CACNA2D1: variants seen among roughly 807,000 people sequenced by gnomAD.
CACNA2D1 encodes the protein voltage-dependent calcium channel subunit alpha-2/delta-1.
A neutral mutation model predicts 171.5 loss-of-function variants in CACNA2D1; 53 were observed. The ratio of observed to expected loss-of-function variants is 0.31; its 90% CI spans 0.25 to 0.39. The LOEUF is 0.39. CACNA2D1 is among the 10% of genes least tolerant of loss of function. The pLI is 1.00. For missense variants in CACNA2D1, 903 were observed against 1,299.8 expected (o/e 0.69, Z 4.69); for synonymous variants, 442 against 443.1 (o/e 1.00, Z 0.03).
At chr7:81,997,439 T>A (rs924842563) in intron 18 of CACNA2D1, among the ~76,000 whole-genome samples, 189 bp from the exon 19 acceptor site, 2 of 150,782 alleles carry the variant, frequency 1.3e-5, no homozygotes, top group African/African-American at 4.9e-5. Context: ...GAGATTGAGC[T>A]TTAAGTGCAG....
At chr7:82,303,105 C>T (rs183082475) in intron 3 of CACNA2D1, among the ~76,000 whole-genome samples, 146 of 152,016 alleles carry the variant, frequency 9.6e-4, no homozygotes, top group Middle Eastern at 3.5e-3. Context: ...GCCATTCTCC[C>T]GCCTCAGCCT....
intron 4 of CACNA2D1, among the ~76,000 whole-genome samples, chr7:82,155,114 T>C (rs1265682576): frequency 6.6e-6 from 1 of 152,144 alleles, no homozygotes; most frequent in African/African-American, 2.4e-5. Context: ...CCCCCTTGCC[T>C]TCTGCCGTGA....
At chr7:82,342,311 G>C (rs1042511216) in intron 2 of CACNA2D1, among the ~76,000 whole-genome samples, 5 of 152,108 alleles carry the variant, frequency 3.3e-5, no homozygotes, top group Non-Finnish European at 7.4e-5. Flanking sequence ...ATCTCAAGAA[G>C]ACAAAGATTT....
At chr7:82,204,284 G>C (rs1321171110) in intron 3 of CACNA2D1, among the ~76,000 whole-genome samples, 1 of 152,162 alleles carries the variant, frequency 6.6e-6, no homozygotes, top group Non-Finnish European at 1.5e-5. Context: ...CCGACAGCTG[G>C]GGAGCTTATC....
chr7:82,100,470 C>T (rs564929268), intron 6 of CACNA2D1, among the ~76,000 whole-genome samples: 3 of 152,076 alleles, frequency 2.0e-5, no homozygotes, highest in African/African-American at 7.2e-5. Context: ...GAAAACTTTC[C>T]TGAAACCCCT....
intron 1 of CACNA2D1, among the ~76,000 whole-genome samples, chr7:82,384,527 T>C (rs1824106570): frequency 6.6e-6 from 1 of 151,790 alleles, no homozygotes; most frequent in Non-Finnish European, 1.5e-5. Context: ...CAGTCTATGG[T>C]TTTTCTTATA....
intron 10 of CACNA2D1, among the ~76,000 whole-genome samples, chr7:82,049,417 A>G (rs1174185595): frequency 3.9e-5 from 6 of 152,172 alleles, no homozygotes; most frequent in Non-Finnish European, 5.9e-5. Context: ...TCAAACATCC[A>G]TAGTATTAAG....
intron 3 of CACNA2D1, among the ~76,000 whole-genome samples, chr7:82,290,341 G>T (rs115240795): frequency 6.6e-6 from 1 of 152,134 alleles, no homozygotes; most frequent in African/African-American, 2.4e-5. Context: ...TAGACAATTC[G>T]ACAAGGAAAC....
intron 11 of CACNA2D1, among the ~76,000 whole-genome samples, chr7:82,037,798 T>C (rs543006254): frequency 6.6e-6 from 1 of 152,212 alleles, no homozygotes; most frequent in East Asian, 1.9e-4. Flanking sequence ...CAATTAAGTT[T>C]CAAGTGCTTA....
At chr7:82,321,725 T>C (rs1815919796) in intron 3 of CACNA2D1, among the ~76,000 whole-genome samples, 1 of 152,140 alleles carries the variant, frequency 6.6e-6, no homozygotes, top group Non-Finnish European at 1.5e-5. Flanking sequence ...CAAAATGAGA[T>C]ATTCTTCTAA....
chr7:82,013,211 C>T (rs1246245863), intron 14 of CACNA2D1, among the ~76,000 whole-genome samples: 1 of 151,656 alleles, frequency 6.6e-6, no homozygotes, highest in Non-Finnish European at 1.5e-5. Context: ...TATTTATTTT[C>T]TATGATGTTT....
intron 1 of CACNA2D1, among the ~76,000 whole-genome samples, chr7:82,368,284 T>C (rs951585584): frequency 6.6e-6 from 1 of 152,256 alleles, no homozygotes; most frequent in Non-Finnish European, 1.5e-5. Context: ...AATAAATGTT[T>C]AGATTCTTCA....
At chr7:81,967,563 A>C in intron 30 of CACNA2D1, 33 bp downstream of exon 30, 3 of 1,145,062 alleles carry the variant, frequency 2.6e-6, no homozygotes, top group Non-Finnish European at 3.9e-6. Flanking sequence ...AAAACATTAA[A>C]CATAGCATAA....
chr7:82,286,861 CA>C (rs1810847513), intron 3 of CACNA2D1, among the ~76,000 whole-genome samples: 1 of 152,058 alleles, frequency 6.6e-6, no homozygotes, highest in Non-Finnish European at 1.5e-5. Flanking sequence ...CCCCCATTTA[CA>C]AAGATGAAAT....
intron 3 of CACNA2D1, among the ~76,000 whole-genome samples, chr7:82,195,705 G>A (rs1226681455): frequency 4.7e-5 from 7 of 149,802 alleles, no homozygotes; most frequent in African/African-American, 1.7e-4. Context: ...CTACCAAATT[G>A]AAACCTTTCA....
At chr7:82,443,222 G>A (rs1486031115) in intron 1 of CACNA2D1, 143 bp downstream of exon 1, 3 of 710,796 alleles carry the variant, frequency 4.2e-6, no homozygotes, top group Non-Finnish European at 6.3e-6. Flanking sequence ...CCTGCCCGGC[G>A]TCTCCGCATC....
intron 3 of CACNA2D1, among the ~76,000 whole-genome samples, chr7:82,241,747 A>G (rs1804322488): frequency 6.6e-6 from 1 of 152,142 alleles, no homozygotes; most frequent in Admixed American, 6.6e-5. Context: ...GGGCCCAGTC[A>G]CATATATGTA....
At chr7:82,152,233 C>T (rs976420547) in intron 4 of CACNA2D1, among the ~76,000 whole-genome samples, 5 of 151,560 alleles carry the variant, frequency 3.3e-5, no homozygotes, top group Admixed American at 1.3e-4. Flanking sequence ...TATAATTCGC[C>T]TATTGTCTAG....
chr7:82,094,743 A>T (rs557816805), intron 6 of CACNA2D1, among the ~76,000 whole-genome samples: 2 of 152,378 alleles, frequency 1.3e-5, no homozygotes, highest in African/African-American at 4.8e-5. Context: ...ACATGTACCC[A>T]TAAGACTTTT....
Sources: gnomAD v4.1 joint callset for allele counts (sites outside exome capture counted in the v4.1 genomes callset) on GRCh38, gnomAD v4.1.1 for gene constraint, MANE v1.5 for transcripts, NCBI Gene and HGNC (gene_info 2026-07-23, HGNC 2026-07-21) for gene names.